The following VIPR2 variants were observed in gnomAD, a reference collection of about 807,000 sequenced individuals.
VIPR2 encodes vasoactive intestinal polypeptide receptor 2.
VIPR2 carries 48 observed loss-of-function variants against 58.0 expected under a neutral mutation model. The observed-to-expected ratio is 0.83, with a 90% CI of 0.66 to 1.05. The LOEUF (loss-of-function observed/expected upper bound fraction) is 1.05, where lower values mean the gene tolerates loss of function less well. Ranked by LOEUF, VIPR2 falls within the 50% of genes least tolerant of loss-of-function variation. The pLI is 0.00. For missense variants in VIPR2, 534 were observed against 558.0 expected, an observed-to-expected ratio of 0.96 and a Z score of 0.43; for synonymous variants, 243 against 235.2, an observed-to-expected ratio of 1.03 and a Z score of -0.30.
At chr7:159,126,807 G>A (rs1225131367) in intron 2 of VIPR2, among the ~76,000 whole-genome samples, 2 of 152,204 alleles carry the variant, frequency 1.3e-5, no homozygotes, top group African/African-American at 4.8e-5. Context: ...CTACTTGGCA[G>A]TAATGAGCAT....
At chr7:159,039,466 AGTCT>A (rs1159088817) in intron 6 of VIPR2, among the ~76,000 whole-genome samples, 1 of 152,242 alleles carries the variant, frequency 6.6e-6, no homozygotes, top group African/African-American at 2.4e-5. Flanking sequence ...AAACAGAGTG[AGTCT>A]GTGTCAAAAA....
In VIPR2 at chr7:159,097,149, GT is replaced by G; in HGVS notation, c.357+6607del. 6.8e-7 allele frequency: 1 copy of G among 1,461,932 alleles called. No individual in the cohort carries two copies. The highest frequency in any genetic ancestry group is 9.1e-7 in the Non-Finnish European group (1 of 1,100,684). The allele number at this position is 1,461,932 out of a possible 1,614,324, so 90.6% of individuals were successfully genotyped here. A position where few individuals can be genotyped will look rare whatever the true frequency, so the allele number is the denominator to read the frequency against. ...GGTGCCTCCCACAAAGGCATCTGCA[GT>G]GCCAGCTGCTGTGATCTTTGTCACC... On this transcript the variant is annotated intron_variant, in intron 4 of 12. Coordinates refer to ENST00000262178, the MANE Select transcript of VIPR2 (RefSeq NM_003382.5). The surrounding 1 kb of genome is among the most constrained non-coding windows in gnomAD (Gnocchi z 5.3).
At chr7:159,076,899 C>T (rs1013810092) in intron 4 of VIPR2, among the ~76,000 whole-genome samples, 2 of 152,260 alleles carry the variant, frequency 1.3e-5, no homozygotes, top group Non-Finnish European at 2.9e-5. Context: ...GTTAAGTTAT[C>T]TCCATTTTAC....
intron 2 of VIPR2, among the ~76,000 whole-genome samples, chr7:159,124,544 A>G (rs1328954536): frequency 6.6e-6 from 1 of 152,204 alleles, no homozygotes; most frequent in African/African-American, 2.4e-5. Flanking sequence ...TGGTTATGGT[A>G]GCCCCGTAGT....
chr7:159,135,142 A>T (rs2129497858), intron 2 of VIPR2, among the ~76,000 whole-genome samples: 1 of 151,916 alleles, frequency 6.6e-6, no homozygotes, highest in South Asian at 2.1e-4. Context: ...TGAGTCTTTA[A>T]CATTAAAAAA....
intron 5 of VIPR2, among the ~76,000 whole-genome samples, chr7:159,049,364 C>T (rs1342465376): frequency 1.3e-5 from 2 of 152,140 alleles, no homozygotes; most frequent in Non-Finnish European, 2.9e-5. Context: ...GGGGAGCAGC[C>T]GCAGCTGTGG....
chr7:159,122,511 G>A (rs528380070), intron 2 of VIPR2, among the ~76,000 whole-genome samples: 1 of 152,188 alleles, frequency 6.6e-6, no homozygotes, highest in Non-Finnish European at 1.5e-5. Flanking sequence ...GGCAACAAAG[G>A]AGAGTGAACG....
intron 8 of VIPR2, 119 bp downstream of exon 8, chr7:159,035,833 G>C: frequency 2.8e-6 from 4 of 1,451,590 alleles, no homozygotes; most frequent in East Asian, 2.6e-5. Context: ...CGTGGCTGTC[G>C]GTTGGCCGCA....
chr7:159,133,033 A>C (rs1352231543), intron 2 of VIPR2, among the ~76,000 whole-genome samples: 1 of 105,610 alleles, frequency 9.5e-6, no homozygotes, highest in African/African-American at 5.5e-5. Flanking sequence ...GAATGATTCC[A>C]AAAATGCAGC....
intron 5 of VIPR2, among the ~76,000 whole-genome samples, chr7:159,050,209 C>T (rs2730263): frequency 0.59 from 89,530 of 151,626 alleles, 28,183 homozygotes; most frequent in Admixed American, 0.71. Flanking sequence ...TGGTGGTGCA[C>T]GCTTGTAATC....
At chr7:159,043,956 T>C (rs755438285) in intron 5 of VIPR2, among the ~76,000 whole-genome samples, 1 of 152,206 alleles carries the variant, frequency 6.6e-6, no homozygotes, top group East Asian at 1.9e-4. Flanking sequence ...AGCTCTCACA[T>C]GAAGTGGGGA....
At chr7:159,034,446 G>A in intron 9 of VIPR2, 135 bp downstream of exon 9, 1 of 1,265,452 alleles carries the variant, frequency 7.9e-7, no homozygotes, top group Non-Finnish European at 1.1e-6. Context: ...CCACATGCCT[G>A]AAGAGGTCCT....
intron 4 of VIPR2, among the ~76,000 whole-genome samples, chr7:159,081,920 A>G (rs181858805): frequency 3.9e-5 from 6 of 152,362 alleles, no homozygotes; most frequent in African/African-American, 9.6e-5. Flanking sequence ...ATGAGATACC[A>G]TATCACACCA....
intron 4 of VIPR2, among the ~76,000 whole-genome samples, chr7:159,091,549 T>C (rs1055978944): frequency 1.3e-5 from 2 of 152,228 alleles, no homozygotes; most frequent in African/African-American, 2.4e-5. Context: ...TTGCCTGCTT[T>C]GCACATGCCT....
At position 159,122,920 on chromosome 7, in the gene VIPR2, G is replaced by C. The variant is rs112246237; in HGVS notation, c.152-13001C>G. On this transcript the variant is annotated intron_variant, in intron 2 of 12. Coordinates refer to ENST00000262178, the MANE Select transcript of VIPR2 (RefSeq NM_003382.5). ...TAAACTCATGTCATGGGAGCTTGTT[G>C]TGCAGACTATTTCATTGCCCAGGTA... Among the ~76,000 whole-genome samples the C allele has an allele frequency of 1.2e-3, 179 of 152,214 alleles. 1 individual carries two copies. The highest frequency in any genetic ancestry group is 4.1e-3 in the African/African-American group (169 of 41,520).
intron 3 of VIPR2, among the ~76,000 whole-genome samples, chr7:159,104,949 T>C (rs1262794721): frequency 2.6e-5 from 4 of 151,798 alleles, no homozygotes; most frequent in Admixed American, 6.6e-5. Context: ...CGTGACCCAG[T>C]AGGGCAGGCT....
rs1449210030 is a variant in VIPR2 at position 159,076,639 on chromosome 7, T to G, written c.358-18061A>C. ...TGTGTATTTTTTTTTAACCTCTGGATGGCATTTCCAAAATTAATGTATAAA... is the reference window on the plus strand; with the variant it reads ...TGTGTATTTTTTTTTAACCTCTGGAGGGCATTTCCAAAATTAATGTATAAA... On this transcript the variant is annotated intron_variant, in intron 4 of 12. Coordinates refer to ENST00000262178, the MANE Select transcript of VIPR2 (RefSeq NM_003382.5). 3.3e-5 allele frequency among the ~76,000 whole-genome samples: 5 copies of G among 152,326 alleles called. No individual in the cohort carries two copies. The South Asian group carries it at 8.3e-4, about 25-fold the overall frequency.
chr7:159,048,350 A>C (rs1359959510), intron 5 of VIPR2, among the ~76,000 whole-genome samples: 1 of 152,234 alleles, frequency 6.6e-6, no homozygotes, highest in Non-Finnish European at 1.5e-5. Flanking sequence ...GTTAATGTGG[A>C]TATGAATAGT....
intron 2 of VIPR2, among the ~76,000 whole-genome samples, chr7:159,136,949 C>G (rs375920665): frequency 1.3e-5 from 2 of 151,934 alleles, no homozygotes; most frequent in Non-Finnish European, 2.9e-5. Flanking sequence ...GTGTGAGAGC[C>G]CAAGGATGGA....
Sources: gnomAD v4.1 joint callset for allele counts (sites outside exome capture counted in the v4.1 genomes callset) on GRCh38, gnomAD v4.1.1 for gene constraint, Gnocchi (gnomAD v3.1) non-coding constraint, MANE v1.5 for transcripts, NCBI Gene and HGNC (gene_info 2026-07-23, HGNC 2026-07-21) for gene names.